RFC1: variants seen among roughly 807,000 people sequenced by gnomAD.
RFC1 encodes the protein A1 140 kDa subunit.
Under a neutral mutation model 137.4 loss-of-function variants are expected in RFC1, and 37 were observed. The ratio of observed to expected loss-of-function variants is 0.27; its 90% CI spans 0.21 to 0.35. The LOEUF is 0.35. RFC1 is among the 10% of genes least tolerant of loss of function. The pLI is 1.00. For synonymous variants in RFC1, 429 were observed against 455.7 expected (o/e 0.94, Z 0.75); for missense variants, 1,205 against 1,358.5 (o/e 0.89, Z 1.78).
At chr4:39,294,531 T>C (rs1737868541) in intron 22 of RFC1, among the ~76,000 whole-genome samples, 1 of 151,632 alleles carries the variant, frequency 6.6e-6, no homozygotes, top group African/African-American at 2.4e-5. Flanking sequence ...ATTAGCCAGG[T>C]GTGGTGGCAT....
In RFC1 at chr4:39,288,213, A is replaced by G. The variant is rs1737476485; in HGVS notation, c.*548T>C. On this transcript the variant is annotated 3_prime_UTR_variant, in exon 25 of 25. Transcript: ENST00000349703. ...ACAATCTTAAAAAGAATTTGTACACATATCATGTGGAACATTTTTATTCCT... is the reference window on the plus strand; with the variant it reads ...ACAATCTTAAAAAGAATTTGTACACGTATCATGTGGAACATTTTTATTCCT... The G allele has an allele frequency of 6.6e-6, 1 of 152,246 alleles. No homozygotes were observed. The highest frequency in any genetic ancestry group is 1.5e-5 in the Non-Finnish European group (1 of 68,062). The allele number at this position is 152,246 out of a possible 1,614,324, so 9.4% of individuals were successfully genotyped here. A position where few individuals can be genotyped will look rare whatever the true frequency, so the allele number is the denominator to read the frequency against.
intron 22 of RFC1, 190 bp from the exon 23 acceptor site, chr4:39,292,042 C>T: frequency 1.8e-6 from 1 of 560,210 alleles, no homozygotes; most frequent in African/African-American, 1.9e-5. Context: ...GTAATGGGTA[C>T]ACATCAATGT....
intron 1 of RFC1, chr4:39,355,909 G>A (rs1741451556): frequency 6.7e-6 from 1 of 148,864 alleles, no homozygotes; most frequent in Non-Finnish European, 1.5e-5. Context: ...AGCTGAGGCA[G>A]GAAAACCGCT....
At chr4:39,339,990 T>G (rs140185449) in intron 4 of RFC1, among the ~76,000 whole-genome samples, 33 of 152,342 alleles carry the variant, frequency 2.2e-4, no homozygotes, top group African/African-American at 7.5e-4. Context: ...CAGTTAATAT[T>G]TATTGAGCAT....
At chr4:39,298,922 T>C (rs1040293710) in intron 21 of RFC1, among the ~76,000 whole-genome samples, 4 of 152,172 alleles carry the variant, frequency 2.6e-5, no homozygotes, top group African/African-American at 7.2e-5. Context: ...ATTAAGACCA[T>C]CCTGGCCAAC....
At chr4:39,352,743 C>A (rs1741270037) in intron 1 of RFC1, among the ~76,000 whole-genome samples, 1 of 152,106 alleles carries the variant, frequency 6.6e-6, no homozygotes. Context: ...ATTATCTCTG[C>A]TTATAGAGAA....
At chr4:39,315,487 CAA>C (rs1407504498) in intron 10 of RFC1, among the ~76,000 whole-genome samples, 1 of 152,216 alleles carries the variant, frequency 6.6e-6, no homozygotes, top group African/African-American at 2.4e-5. Flanking sequence ...CAAGAATGCC[CAA>C]GTTTGTCCAT....
At chr4:39,334,013 G>A (rs2109707763) in intron 4 of RFC1, among the ~76,000 whole-genome samples, 1 of 152,096 alleles carries the variant, frequency 6.6e-6, no homozygotes, top group East Asian at 1.9e-4. Context: ...CCCTAGGAAG[G>A]TACGAGTAAC....
chr4:39,307,051 C>T (rs941134536), intron 13 of RFC1, among the ~76,000 whole-genome samples: 1 of 152,144 alleles, frequency 6.6e-6, no homozygotes, highest in Non-Finnish European at 1.5e-5. Flanking sequence ...TCTCACCAGC[C>T]GTGGGTACTT....
rs1739501456 is a variant in RFC1 at position 39,321,192 on chromosome 4, T to C, written c.808+95A>G. The C allele has an allele frequency of 1.3e-5, 12 of 945,502 alleles. No homozygotes were observed. The South Asian group carries it at 1.5e-4, about 12-fold the overall frequency. 58.6% of individuals were successfully genotyped at this position (945,502 alleles called of 1,614,324 possible). On this transcript the variant is annotated intron_variant, in intron 8 of 24. Coordinates refer to ENST00000349703, the MANE Select transcript of RFC1 (RefSeq NM_002913.5). ...CTGTGAAATAATGTCTACCTAACAA[T>C]ACATAATTACTGAATAGGATACTTA...
intron 1 of RFC1, among the ~76,000 whole-genome samples, chr4:39,364,266 GAA>G (rs34831204): frequency 1.1e-3 from 154 of 144,616 alleles, no homozygotes; most frequent in East Asian, 2.6e-3. Context: ...CAGTCTGAGG[GAA>G]AAAAAAAAAA....
intron 22 of RFC1, 85 bp from the exon 23 acceptor site, chr4:39,291,937 C>A: frequency 6.2e-6 from 6 of 964,090 alleles, no homozygotes; most frequent in Non-Finnish European, 1.0e-5. Flanking sequence ...GTTAATCAGG[C>A]AGAGTTCAAT....
chr4:39,302,616 G>A (rs533100126), intron 17 of RFC1, 21 bp from the exon 18 acceptor site: 109 of 1,535,250 alleles, frequency 7.1e-5, no homozygotes, highest in Admixed American at 5.6e-4. Context: ...CAAGGGAGGA[G>A]TCCTCAATGA....
Position 39,326,720 on chromosome 4 carries a change from T to G in RFC1, c.565-80A>C, listed in dbSNP as rs17334909. ...GGCACTTTTTCTTGACTGTTGCTGA[T>G]TAAATACACCAGTGAGAGATAAGTG... is the stretch of plus-strand genomic sequence containing the variant. On this transcript the variant is annotated intron_variant, in intron 5 of 24. Coordinates refer to ENST00000349703, the MANE Select transcript of RFC1 (RefSeq NM_002913.5). The G allele has an allele frequency of 7.2e-3, 7,440 of 1,038,974 alleles. 31 individuals are homozygous for G. Among genetic ancestry groups the G allele is most frequent in the Non-Finnish European group, 9.3e-3 (6,348 of 684,770 alleles). 64.4% of individuals were successfully genotyped at this position (1,038,974 alleles called of 1,614,324 possible). A position where few individuals can be genotyped will look rare whatever the true frequency, so the allele number is the denominator to read the frequency against.
At chr4:39,306,488 C>CA (rs1560595780) in intron 14 of RFC1, 104 bp downstream of exon 14, 7 of 585,732 alleles carry the variant, frequency 1.2e-5, no homozygotes, top group South Asian at 6.6e-5. Context: ...TATATAGACA[C>CA]CACACACACA....
intron 22 of RFC1, among the ~76,000 whole-genome samples, chr4:39,294,482 A>C (rs1737865585): frequency 7.4e-6 from 1 of 135,384 alleles, no homozygotes. Flanking sequence ...GACCAGCCTG[A>C]CCAATATGGT....
Position 39,321,379 on chromosome 4 carries a change from A to G in RFC1, c.721-5T>C. 6.2e-7 allele frequency: 1 copy of G among 1,612,164 alleles called. No homozygotes were observed. Among genetic ancestry groups the G allele is most frequent in the Non-Finnish European group, 8.5e-7 (1 of 1,179,190 alleles). On this transcript the variant is annotated splice_polypyrimidine_tract_variant and splice_region_variant and intron_variant, in intron 7 of 24. Transcript: ENST00000349703. ...CGCTTCTGTGTCCTTTCGAGCCTAA[A>G]CAAATTTTAAAAGTGTCAAATGTGA...
rs368306896 is a variant in RFC1 at position 39,311,441 on chromosome 4, G to A, written c.1488+4C>T. On this transcript the variant is annotated splice_donor_region_variant and intron_variant, in intron 12 of 24. Transcript: ENST00000349703. ...AACTTAAATCACATTCATTTTATAC[G>A]AACCTCAGTTTCAACTGCTATTTCA... is the stretch of plus-strand genomic sequence containing the variant. 1.9e-5 allele frequency: 31 copies of A among 1,608,858 alleles called. 1 individual carries two copies. The highest frequency in any genetic ancestry group is 1.7e-4 in the Middle Eastern group (1 of 6,048).
At position 39,287,501 on chromosome 4, in the gene RFC1, T is replaced by C. The variant is rs928308450; in HGVS notation, c.*1260A>G. On this transcript the variant is annotated 3_prime_UTR_variant, in exon 25 of 25. Coordinates refer to ENST00000349703, the MANE Select transcript of RFC1 (RefSeq NM_002913.5). The stretch of plus-strand genomic sequence containing the variant: ...TATTTCCATAATGAATTAATCTCCA[T>C]AAATGACATTTTTCACACTGGTAAA... 2 of 152,194 alleles carry C rather than the reference T, an allele frequency of 1.3e-5. No homozygotes were observed. Among genetic ancestry groups the C allele is most frequent in the Non-Finnish European group, 2.9e-5 (2 of 68,028 alleles). The allele number at this position is 152,194 out of a possible 1,614,324, so 9.4% of individuals were successfully genotyped here.
Sources: allele counts gnomAD v4.1 joint callset (sites outside exome capture counted in the v4.1 genomes callset), GRCh38; gene constraint gnomAD v4.1.1; transcripts MANE v1.5; gene names NCBI Gene and HGNC (gene_info 2026-07-23, HGNC 2026-07-21).